ACACA: variants seen among roughly 807,000 people sequenced by gnomAD.
The protein encoded by ACACA is acetyl-CoA carboxylase alpha.
In ACACA, 103 loss-of-function variants were observed where a neutral mutation model predicts 296.1. The ratio of observed to expected loss-of-function variants is 0.35; its 90% CI spans 0.30 to 0.41. The LOEUF is 0.41. Ranked by LOEUF, ACACA falls within the 10% of genes least tolerant of loss-of-function variation. ACACA has a pLI of 1.00. For missense variants in ACACA, 1,554 were observed against 2,989.7 expected (o/e 0.52, Z 11.20); for synonymous variants, 953 against 1,038.6 (o/e 0.92, Z 1.58).
chr17:37,145,264 C>T (rs1284769213), intron 45 of ACACA, among the ~76,000 whole-genome samples: 1 of 152,194 alleles, frequency 6.6e-6, no homozygotes. Flanking sequence ...ATCATCTCAG[C>T]TCCTTAAGGG....
intron 41 of ACACA, among the ~76,000 whole-genome samples, chr17:37,172,896 G>A (rs1211525396): frequency 5.9e-5 from 9 of 152,084 alleles, no homozygotes; most frequent in East Asian, 1.9e-4. Flanking sequence ...TTACAGACCC[G>A]CTTCGCTTAG....
intron 11 of ACACA, among the ~76,000 whole-genome samples, chr17:37,260,287 TATATA>T (rs1160855551): frequency 2.1e-3 from 59 of 27,538 alleles, no homozygotes; most frequent in East Asian, 0.018. Flanking sequence ...TATATATATA[TATATA>T]TATATTTTTT....
intron 47 of ACACA, among the ~76,000 whole-genome samples, chr17:37,128,579 C>T (rs1486121815): frequency 6.6e-6 from 1 of 152,190 alleles, no homozygotes; most frequent in Non-Finnish European, 1.5e-5. Context: ...ATTCAAAATA[C>T]AGCAGAGGGA....
intron 45 of ACACA, among the ~76,000 whole-genome samples, chr17:37,146,201 C>CT (rs1372231549): frequency 6.6e-6 from 1 of 152,118 alleles, no homozygotes; most frequent in East Asian, 1.9e-4. Flanking sequence ...AAGGTGTAAA[C>CT]TAATTAAAAA....
intron 39 of ACACA, among the ~76,000 whole-genome samples, chr17:37,184,426 T>A (rs894458785): frequency 1.3e-5 from 2 of 152,260 alleles, no homozygotes; most frequent in African/African-American, 4.8e-5. Context: ...GTCAAAGCTA[T>A]ATCTGATGGA....
At chr17:37,101,256 T>C (rs988302770) in intron 52 of ACACA, among the ~76,000 whole-genome samples, 7 of 152,182 alleles carry the variant, frequency 4.6e-5, no homozygotes, top group Admixed American at 3.9e-4. Context: ...AAAAAAGCAT[T>C]GTATTATTCT....
chr17:37,381,850 A>C (rs1373092619), intron 1 of ACACA, among the ~76,000 whole-genome samples: 1 of 151,160 alleles, frequency 6.6e-6, no homozygotes, highest in Admixed American at 6.6e-5. Context: ...GATGGTCTCG[A>C]TCGCCTGACC....
intron 42 of ACACA, among the ~76,000 whole-genome samples, chr17:37,156,379 AG>A (rs1324618941): frequency 1.3e-5 from 2 of 151,802 alleles, no homozygotes; most frequent in Non-Finnish European, 2.9e-5. Context: ...CATTTTCAAC[AG>A]GGTTAAAGGG....
chr17:37,348,948 CAA>C (rs772944984), intron 1 of ACACA, among the ~76,000 whole-genome samples: 3 of 56,926 alleles, frequency 5.3e-5, no homozygotes, highest in Non-Finnish European at 3.7e-5. Context: ...GACTCCGTCT[CAA>C]AAAAAAAAAA....
At chr17:37,125,484 G>C (rs1239898278) in intron 48 of ACACA, among the ~76,000 whole-genome samples, 1 of 152,126 alleles carries the variant, frequency 6.6e-6, no homozygotes, top group Non-Finnish European at 1.5e-5. Context: ...GTCAAAATTA[G>C]CCTTCAGATT....
chr17:37,389,451 C>G (rs920756220), intron 1 of ACACA: 1 of 1,478,222 alleles, frequency 6.8e-7, no homozygotes, highest in African/African-American at 1.4e-5. Flanking sequence ...ATTCCCAGCA[C>G]TTTGAGAGGC....
intron 29 of ACACA, among the ~76,000 whole-genome samples, chr17:37,216,298 A>C (rs1199150405): frequency 6.6e-6 from 1 of 151,836 alleles, no homozygotes; most frequent in African/African-American, 2.4e-5. Context: ...TTAGAAGTAA[A>C]GGGTAAATCC....
chr17:37,101,002 C>T (rs559992673), intron 52 of ACACA, among the ~76,000 whole-genome samples: 3 of 149,922 alleles, frequency 2.0e-5, no homozygotes, highest in South Asian at 4.3e-4. Context: ...GAGGCTGAGG[C>T]GTGAGAATTG....
At chr17:37,370,667 G>GTAAATAAATAAA (rs372775724) in intron 1 of ACACA, among the ~76,000 whole-genome samples, 1 of 148,836 alleles carries the variant, frequency 6.7e-6, no homozygotes, top group African/African-American at 2.5e-5. Context: ...CAAAAATAAT[G>GTAAATAAATAAA]TAAATAAATA....
At chr17:37,355,296 A>G (rs1403887052) in intron 1 of ACACA, among the ~76,000 whole-genome samples, 2 of 149,040 alleles carry the variant, frequency 1.3e-5, no homozygotes, top group Non-Finnish European at 3.0e-5. Context: ...AGTGGCTCAC[A>G]CCTGTAATCC....
In ACACA at chr17:37,192,242, G is replaced by A; in HGVS notation, c.4264C>T (p.Arg1422Trp). ...GCAGTGAGGTCAAAATTTCTCATCC[G>A]GTTCAGCTCTAACTGGAAAGCCAGA... ...PALAFQLELN[R>W]MRNFDLTAIP... The change falls in exon 37 of 56, where the codon CGG becomes TGG. Residue 1422 changes from arginine (R) to tryptophan (W), a missense_variant. This residue lies in a region of ACACA where 179 missense variants were observed against 283.2 expected (regional missense o/e 0.63). Coordinates refer to ENST00000616317, the MANE Select transcript of ACACA (RefSeq NM_198834.3). 5 of 1,613,988 alleles carry A rather than the reference G, an allele frequency of 3.1e-6. No homozygotes were observed. Among genetic ancestry groups the A allele is most frequent in the Non-Finnish European group, 4.2e-6 (5 of 1,179,996 alleles).
At chr17:37,354,342 C>T (rs1004625991) in intron 1 of ACACA, among the ~76,000 whole-genome samples, 15 of 152,176 alleles carry the variant, frequency 9.9e-5, no homozygotes, top group Non-Finnish European at 2.1e-4. Context: ...CACTGAATAG[C>T]CCTTGCTGAA....
intron 41 of ACACA, among the ~76,000 whole-genome samples, chr17:37,174,624 C>T (rs1011465679): frequency 6.6e-6 from 1 of 152,024 alleles, no homozygotes; most frequent in Non-Finnish European, 1.5e-5. Flanking sequence ...CCTCTGCCTC[C>T]CGGGTTCAAG....
chr17:37,177,185 T>C (rs1286488815), intron 41 of ACACA, among the ~76,000 whole-genome samples: 6 of 152,038 alleles, frequency 3.9e-5, no homozygotes, highest in Admixed American at 1.3e-4. Flanking sequence ...TATAGTCCTA[T>C]GCAACTGTTT....
Sources: gnomAD v4.1 joint callset for allele counts (sites outside exome capture counted in the v4.1 genomes callset) on GRCh38, gnomAD v4.1.1 for gene constraint, gnomAD v4.1.1 regional missense constraint, MANE v1.5 for transcripts, NCBI Gene and HGNC (gene_info 2026-07-23, HGNC 2026-07-21) for gene names.